S100A13: variants seen among roughly 807,000 people sequenced by gnomAD.
S100A13 encodes protein S100-A13.
A neutral mutation model predicts 8.2 loss-of-function variants in S100A13; 6 were observed. That is an observed-to-expected ratio of 0.73 (90% confidence interval 0.40 to 1.44). The LOEUF (loss-of-function observed/expected upper bound fraction) is 1.44. S100A13 is among the 40% of genes most tolerant of loss of function. The pLI is 0.02. For missense variants in S100A13, 114 were observed against 113.6 expected, an observed-to-expected ratio of 1.00 and a Z score of -0.02; for synonymous variants, 39 against 45.9, an observed-to-expected ratio of 0.85 and a Z score of 0.61.
At chr1:153,631,331 A>C, upstream of S100A13, 1 of 903,568 alleles carries the variant, frequency 1.1e-6, no homozygotes, top group East Asian at 2.7e-5. Context: ...CTTTGGGCAT[A>C]TTTATTTAAC....
chr1:153,628,598 C>A, upstream of S100A13: 1 of 1,483,496 alleles, frequency 6.7e-7, no homozygotes, highest in Non-Finnish European at 9.0e-7. Context: ...CACTGTGGAG[C>A]ACTGAGGATC....
chr1:153,627,988 G>A (rs1304646344), upstream of S100A13: 9 of 1,530,182 alleles, frequency 5.9e-6, no homozygotes, highest in Non-Finnish European at 7.9e-6. Flanking sequence ...GACCCCCAGA[G>A]AAGAGTCCTG....
intron 2 of S100A13, among the ~76,000 whole-genome samples, chr1:153,625,483 G>T (rs2101594629): frequency 1.3e-5 from 2 of 152,342 alleles, no homozygotes; most frequent in South Asian, 4.1e-4. Context: ...ACCCTAGTAA[G>T]GGGATGCCCA....
upstream of S100A13, chr1:153,631,272 T>C: frequency 1.6e-6 from 1 of 616,494 alleles, no homozygotes; most frequent in Non-Finnish European, 2.8e-6. Context: ...TTTTGAGGTT[T>C]TATTGGACTG....
At chr1:153,621,689 A>AG (rs1242063267) in intron 2 of S100A13, among the ~76,000 whole-genome samples, 1 of 149,548 alleles carries the variant, frequency 6.7e-6, no homozygotes, top group African/African-American at 2.5e-5. Context: ...CTCAAAAAAA[A>AG]AAAGAAAGAA....
chr1:153,631,850 C>G (rs1668029849), upstream of S100A13: 2 of 1,612,686 alleles, frequency 1.2e-6, no homozygotes, highest in South Asian at 1.1e-5. Context: ...GAGCAGACAG[C>G]CACATTGGGC....
intron 2 of S100A13, among the ~76,000 whole-genome samples, chr1:153,622,462 G>A (rs1269527677): frequency 1.3e-5 from 2 of 152,160 alleles, no homozygotes; most frequent in Non-Finnish European, 2.9e-5. Context: ...CAGTATGTAG[G>A]TATACAAACA....
intron 2 of S100A13, among the ~76,000 whole-genome samples, chr1:153,620,921 A>G (rs1452898583): frequency 9.2e-5 from 14 of 152,130 alleles, no homozygotes; most frequent in African/African-American, 2.7e-4. Flanking sequence ...GGACAAAAAA[A>G]GGTAATTGAG....
Position 153,618,970 on chromosome 1 carries a change from A to C in S100A13, c.222T>G (p.Asn74Lys). 1 of 1,613,470 alleles carries C rather than the reference A, an allele frequency of 6.2e-7. No homozygotes were observed. The highest frequency in any genetic ancestry group is 8.5e-7 in the Non-Finnish European group (1 of 1,179,516). The change falls in exon 3 of 3, where the codon AAT becomes AAG. Residue 74 changes from asparagine (N) to lysine (K), a missense_variant. Asn to Lys is a moderately conservative substitution (Grantham distance 94). Coordinates refer to ENST00000476133, the MANE Select transcript of S100A13 (RefSeq NM_001024211.2). ...GCTCCCCAATCAATCTCCAGTACTCATTGAACTTGAGCTCCGAGTCCTGAT... is the reference window on the plus strand; with the variant it reads ...GCTCCCCAATCAATCTCCAGTACTCCTTGAACTTGAGCTCCGAGTCCTGAT... ...DVNQDSELKFNEYWRLIGELA... is the reference protein window; with the variant it reads ...DVNQDSELKFKEYWRLIGELA...
upstream of S100A13, chr1:153,631,729 T>C (rs1668019668): frequency 3.1e-6 from 5 of 1,614,090 alleles, no homozygotes; most frequent in African/African-American, 4.0e-5. Context: ...GTGGACAAGG[T>C]GATGAAGGAG....
chr1:153,631,269 G>A (rs1482957045), upstream of S100A13: 1 of 612,470 alleles, frequency 1.6e-6, no homozygotes, highest in Non-Finnish European at 2.8e-6. Context: ...CGGTTTTGAG[G>A]TTTTATTGGA....
chr1:153,620,594 A>G (rs1285352388), intron 2 of S100A13, among the ~76,000 whole-genome samples: 1 of 152,200 alleles, frequency 6.6e-6, no homozygotes, highest in African/African-American at 2.4e-5. Context: ...AAAATCCACA[A>G]AGTTCCAAAA....
At chr1:153,620,247 A>G (rs1471169688) in intron 2 of S100A13, among the ~76,000 whole-genome samples, 1 of 152,030 alleles carries the variant, frequency 6.6e-6, no homozygotes, top group East Asian at 1.9e-4. Context: ...AGATCGCGCC[A>G]TTGCACTCCA....
chr1:153,622,157 G>C (rs1325696263), intron 2 of S100A13, among the ~76,000 whole-genome samples: 1 of 151,846 alleles, frequency 6.6e-6, no homozygotes, highest in Non-Finnish European at 1.5e-5. Context: ...ATCATCTGAA[G>C]TCAGGAGTGC....
chr1:153,631,978 G>A (rs561376486), upstream of S100A13: 33 of 933,362 alleles, frequency 3.5e-5, no homozygotes, highest in East Asian at 3.8e-4. Flanking sequence ...CACCAAGGGC[G>A]CAAGAGTAGC....
upstream of S100A13, among the ~76,000 whole-genome samples, chr1:153,632,396 C>T (rs899961107): frequency 6.6e-6 from 1 of 151,384 alleles, no homozygotes; most frequent in Non-Finnish European, 1.5e-5. Context: ...CTCAGCCTCC[C>T]GAGCAGCTGG....
In S100A13 at chr1:153,618,814, G is replaced by A. The variant is rs1667048543; in HGVS notation, c.*81C>T. The A allele has an allele frequency of 7.5e-7, 1 of 1,337,020 alleles. No homozygotes were observed. The highest frequency in any genetic ancestry group is 1.5e-5 in the African/African-American group (1 of 68,384). 82.8% of individuals were successfully genotyped at this position (1,337,020 alleles called of 1,614,324 possible). On this transcript the variant is annotated 3_prime_UTR_variant, in exon 3 of 3. Transcript: ENST00000476133. Reference sequence around the variant, plus strand: ...GTAAGAAACATTTGTGTTTCAAGGAGGAAGCTTTATTTGGGAAGAGTGCGG... The same window carrying A: ...GTAAGAAACATTTGTGTTTCAAGGAAGAAGCTTTATTTGGGAAGAGTGCGG...
upstream of S100A13, chr1:153,628,428 T>C (rs1222823962): frequency 6.4e-7 from 1 of 1,550,488 alleles, no homozygotes; most frequent in South Asian, 1.2e-5. Context: ...CACACACAGC[T>C]CCAGCAGCCA....
upstream of S100A13, chr1:153,630,268 C>T (rs1003919444): frequency 1.1e-5 from 6 of 541,022 alleles, no homozygotes; most frequent in South Asian, 1.6e-4. Flanking sequence ...CTCTCCATGC[C>T]CCAACCCTGA....
Sources: allele counts gnomAD v4.1 joint callset (sites outside exome capture counted in the v4.1 genomes callset), GRCh38; gene constraint gnomAD v4.1.1; transcripts MANE v1.5; gene names NCBI Gene and HGNC (gene_info 2026-07-23, HGNC 2026-07-21).